The following PHLDB2 variants were observed in gnomAD, a reference collection of about 807,000 sequenced individuals.
The protein encoded by PHLDB2 is pleckstrin homology-like domain family B member 2.
Under a neutral mutation model 123.6 loss-of-function variants are expected in PHLDB2, and 71 were observed. That is an observed-to-expected ratio of 0.57 (90% CI 0.47 to 0.70). PHLDB2 has a LOEUF of 0.70. Ranked by LOEUF, PHLDB2 falls within the 30% of genes least tolerant of loss-of-function variation. PHLDB2 has a pLI of 0.00. For synonymous variants in PHLDB2, 547 were observed against 541.6 expected (o/e 1.01, Z -0.14); for missense variants, 1,446 against 1,519.5 (o/e 0.95, Z 0.80).
chr3:111,759,706 G>T (rs536352587), intron 1 of PHLDB2, among the ~76,000 whole-genome samples: 32 of 152,224 alleles, frequency 2.1e-4, no homozygotes, highest in African/African-American at 7.7e-4. Flanking sequence ...AACCCTATAA[G>T]GTGGAAATTT....
intron 2 of PHLDB2, among the ~76,000 whole-genome samples, chr3:111,853,548 A>G (rs1178947668): frequency 6.6e-6 from 1 of 152,152 alleles, no homozygotes; most frequent in Non-Finnish European, 1.5e-5. Context: ...CCTCTGTGCA[A>G]GGAATGGTAC....
intron 1 of PHLDB2, among the ~76,000 whole-genome samples, chr3:111,746,744 G>T (rs985118834): frequency 3.3e-5 from 5 of 152,108 alleles, no homozygotes; most frequent in African/African-American, 1.2e-4. Context: ...ACTCCAGCCT[G>T]GGTGACAGAG....
At chr3:111,966,851 A>C (rs2071803114) in intron 14 of PHLDB2, 148 bp downstream of exon 14, 1 of 608,450 alleles carries the variant, frequency 1.6e-6, no homozygotes, top group East Asian at 2.9e-5. Flanking sequence ...TTATCTGAAA[A>C]ATAAAGGTGT....
At chr3:111,887,850 T>C (rs2066264312) in intron 2 of PHLDB2, among the ~76,000 whole-genome samples, 1 of 152,168 alleles carries the variant, frequency 6.6e-6, no homozygotes, top group Non-Finnish European at 1.5e-5. Flanking sequence ...TGCAATTCTT[T>C]GAAATATTTA....
At chr3:111,770,430 C>A (rs916456614) in intron 1 of PHLDB2, among the ~76,000 whole-genome samples, 7 of 152,104 alleles carry the variant, frequency 4.6e-5, no homozygotes, top group Non-Finnish European at 1.0e-4. Flanking sequence ...ATTTTTAATG[C>A]AAATGTTAAG....
chr3:111,882,338 G>A (rs569930174), intron 1 of PHLDB2, among the ~76,000 whole-genome samples: 115 of 152,256 alleles, frequency 7.6e-4, no homozygotes, highest in African/African-American at 2.6e-3. Flanking sequence ...CAGAATAGAG[G>A]AGTCTCAGTT....
chr3:111,780,405 A>AGAG (rs2060416540), intron 1 of PHLDB2, among the ~76,000 whole-genome samples: 1 of 146,356 alleles, frequency 6.8e-6, no homozygotes, highest in African/African-American at 2.6e-5. Flanking sequence ...AAGAAGAAGA[A>AGAG]GAAGAAAAAG....
intron 1 of PHLDB2, among the ~76,000 whole-genome samples, chr3:111,839,273 A>G (rs2063559701): frequency 2.0e-5 from 3 of 152,226 alleles, no homozygotes; most frequent in Admixed American, 2.0e-4. Flanking sequence ...TATAAAGAAT[A>G]TTATTGGGAT....
At chr3:111,925,929 A>G (rs913068693) in intron 5 of PHLDB2, among the ~76,000 whole-genome samples, 1 of 152,280 alleles carries the variant, frequency 6.6e-6, no homozygotes, top group Non-Finnish European at 1.5e-5. Context: ...AAATCAAGTC[A>G]GTTGTACCAA....
rs2072448565 is a variant in PHLDB2 at position 111,975,003 on chromosome 3, A to C, written c.*440A>C. The stretch of plus-strand genomic sequence containing the variant: ...AAAAGGTAGCATTTTGTTGACAGTT[A>C]TTTTGTAAACATAAGCAAATAAGGG... On this transcript the variant is annotated 3_prime_UTR_variant, in exon 18 of 18. Transcript: ENST00000431670. 2 of 152,662 alleles carry C rather than the reference A, an allele frequency of 1.3e-5. No individual in the cohort carries two copies. Among genetic ancestry groups the C allele is most frequent in the African/African-American group, 4.8e-5 (2 of 41,450 alleles). 9.5% of individuals were successfully genotyped at this position (152,662 alleles called of 1,614,324 possible).
intron 1 of PHLDB2, among the ~76,000 whole-genome samples, chr3:111,734,867 C>T (rs1941634025): frequency 6.6e-6 from 1 of 152,148 alleles, no homozygotes; most frequent in African/African-American, 2.4e-5. Context: ...TTCTGAAGTT[C>T]TCCACTGGCT....
chr3:111,855,567 TAATAAC>T (rs1282829372), upstream of PHLDB2, among the ~76,000 whole-genome samples: 8 of 149,430 alleles, frequency 5.4e-5, no homozygotes, highest in Admixed American at 4.7e-4. Context: ...GGTAATATAA[TAATAAC>T]AATAACAGTT....
intron 1 of PHLDB2, among the ~76,000 whole-genome samples, chr3:111,834,055 AATATATGTAATAGAATTATATATACT>A (rs1559857795): frequency 0.015 from 226 of 14,814 alleles, 42 homozygotes; most frequent in African/African-American, 0.051. Context: ...AATTATATAT[AATATATGTAATAGAATTATATATACT>A]ATATATGTAA....
intron 1 of PHLDB2, among the ~76,000 whole-genome samples, chr3:111,878,720 C>T (rs962266859): frequency 5.9e-5 from 9 of 152,048 alleles, no homozygotes; most frequent in Admixed American, 3.9e-4. Context: ...TTTTGAGATA[C>T]GTTCCATCAA....
chr3:111,849,536 G>A (rs1466921633), intron 2 of PHLDB2, among the ~76,000 whole-genome samples: 1 of 152,028 alleles, frequency 6.6e-6, no homozygotes, highest in East Asian at 1.9e-4. Flanking sequence ...ATCAAGCTCT[G>A]GAAATTACCA....
Position 111,896,585 on chromosome 3 carries a change from A to G in PHLDB2, c.1335+11173A>G, listed in dbSNP as rs2066885046. ...AGGCTGGTCTGGAACTCCTGACCTC[A>G]GGCGATCTGCCTGCCTTGGCCACCC... is the stretch of plus-strand genomic sequence containing the variant. On this transcript the variant is annotated intron_variant, in intron 2 of 17. Coordinates refer to ENST00000431670, the MANE Select transcript of PHLDB2 (RefSeq NM_001134438.2). Among the ~76,000 whole-genome samples the G allele has an allele frequency of 2.0e-5, 3 of 152,244 alleles. No homozygotes were observed. The South Asian group carries it at 6.2e-4, about 32-fold the overall frequency.
At chr3:111,875,379 C>G (rs7633967) in intron 1 of PHLDB2, among the ~76,000 whole-genome samples, 1 of 151,314 alleles carries the variant, frequency 6.6e-6, no homozygotes, top group African/African-American at 2.4e-5. Flanking sequence ...CGAACTCCCA[C>G]TGTTAGGTGA....
chr3:111,877,184 C>T (rs2065673958), intron 1 of PHLDB2, among the ~76,000 whole-genome samples: 1 of 152,242 alleles, frequency 6.6e-6, no homozygotes, highest in Admixed American at 6.5e-5. Flanking sequence ...ACACTCCCAC[C>T]AACAGTGTAA....
intron 1 of PHLDB2, among the ~76,000 whole-genome samples, chr3:111,882,376 T>C (rs1427325988): frequency 6.6e-6 from 1 of 152,152 alleles, no homozygotes; most frequent in Non-Finnish European, 1.5e-5. Context: ...CATGGTAAGA[T>C]ATTTCTCAAT....
Sources: gnomAD v4.1 joint callset for allele counts (sites outside exome capture counted in the v4.1 genomes callset) on GRCh38, gnomAD v4.1.1 for gene constraint, MANE v1.5 for transcripts, NCBI Gene and HGNC (gene_info 2026-07-23, HGNC 2026-07-21) for gene names.